AKAP3: variants seen among roughly 807,000 people sequenced by gnomAD.
The protein encoded by AKAP3 is A-kinase anchoring protein 3, also known as A-kinase anchor protein 3.
AKAP3 carries 27 observed loss-of-function variants against 57.2 expected under a neutral mutation model. The ratio of observed to expected loss-of-function variants is 0.47; its 90% CI spans 0.35 to 0.65. The LOEUF (loss-of-function observed/expected upper bound fraction) is 0.65, where lower values mean the gene tolerates loss of function less well. Ranked by LOEUF, AKAP3 falls within the 30% of genes least tolerant of loss-of-function variation. The pLI is 0.01. For synonymous variants in AKAP3, 334 were observed against 392.3 expected (o/e 0.85, Z 1.76); for missense variants, 959 against 1,040.0 (o/e 0.92, Z 1.07).
chr12:4,636,090 T>A, intron 4 of AKAP3: 1 of 1,211,076 alleles, frequency 8.3e-7, no homozygotes, highest in Non-Finnish European at 1.2e-6. Context: ...CCAGAAATAC[T>A]GGCATATTGA....
chr12:4,636,545 G>C (rs1256418110), intron 4 of AKAP3, among the ~76,000 whole-genome samples: 1 of 152,192 alleles, frequency 6.6e-6, no homozygotes, highest in East Asian at 1.9e-4. Flanking sequence ...TGAAAGGGCA[G>C]AAGTAAATCA....
Position 4,620,712 on chromosome 12 carries a change from A to G in AKAP3, c.2407-4818T>C, listed in dbSNP as rs533765920. Among the ~76,000 whole-genome samples, 71 of 152,278 alleles carry G rather than the reference A, an allele frequency of 4.7e-4. 1 individual carries two copies. In the South Asian group the frequency reaches 0.013, roughly 28 times the overall value. ...GATATCATAGTTATCGTAACAGAGC[A>G]CAACACATTACTCACTTGTTTGGGG... On this transcript the variant is annotated intron_variant, in intron 5 of 5. Coordinates refer to ENST00000228850, the MANE Select transcript of AKAP3 (RefSeq NM_001278309.2).
In AKAP3 at chr12:4,630,826, C is replaced by G. The variant is rs12298137; in HGVS notation, c.97-2021G>C. ...GAAGGTCAGTTTGCCTCCAATGGCA[C>G]GTTCACTTCAATATTTCCAAGCTAT... On this transcript the variant is annotated intron_variant, in intron 4 of 5. Coordinates refer to ENST00000228850, the MANE Select transcript of AKAP3 (RefSeq NM_001278309.2). 4.1e-4 allele frequency among the ~76,000 whole-genome samples: 63 copies of G among 152,202 alleles called. 1 individual carries two copies. The highest frequency in any genetic ancestry group is 3.4e-3 in the Middle Eastern group (1 of 294).
In AKAP3 at chr12:4,627,634, G is replaced by A. The variant is rs1358940275; in HGVS notation, c.1268C>T (p.Ala423Val). 1.2e-6 allele frequency: 2 copies of A among 1,613,828 alleles called. No homozygotes were observed. The highest frequency in any genetic ancestry group is 1.7e-6 in the Non-Finnish European group (2 of 1,180,012). ...GDPKNRNVNF[A>V]MKSETKLREK... ...TCTCAATTTAGTTTCAGATTTCATG[G>A]CAAAGTTCACATTTCGGTTTTTAGG... The change falls in exon 5 of 6, where the codon GCC becomes GTC. Residue 423 changes from alanine to valine, a missense_variant. By Grantham distance (64) the Ala-to-Val change is moderately conservative. Coordinates refer to ENST00000228850, the MANE Select transcript of AKAP3 (RefSeq NM_001278309.2).
At chr12:4,622,202 G>A (rs1279843118) in intron 5 of AKAP3, among the ~76,000 whole-genome samples, 2 of 152,060 alleles carry the variant, frequency 1.3e-5, no homozygotes, top group Non-Finnish European at 2.9e-5. Flanking sequence ...TGGTCATATT[G>A]CCCAAAGCAA....
At chr12:4,623,423 A>G (rs1287311554) in intron 5 of AKAP3, among the ~76,000 whole-genome samples, 1 of 152,256 alleles carries the variant, frequency 6.6e-6, no homozygotes, top group Non-Finnish European at 1.5e-5. Context: ...AATATTATGC[A>G]GTCATAAAAA....
Position 4,635,320 on chromosome 12 carries a change from C to G in AKAP3, c.96+2781G>C, listed in dbSNP as rs975548811. The G allele has an allele frequency of 2.1e-5, 10 of 469,282 alleles. No individual in the cohort carries two copies. In the Admixed American group the frequency reaches 3.3e-4, roughly 16 times the overall value. 29.1% of individuals were successfully genotyped at this position (469,282 alleles called of 1,614,324 possible). ...AACATTTAAGAAGCAGAAGACTATT[C>G]TAGCTAGTGCAAACTGGAGGTTGAG... On this transcript the variant is annotated intron_variant, in intron 4 of 5. Coordinates refer to ENST00000228850, the MANE Select transcript of AKAP3 (RefSeq NM_001278309.2).
intron 4 of AKAP3, among the ~76,000 whole-genome samples, chr12:4,632,986 A>G (rs2137439385): frequency 6.6e-6 from 1 of 152,242 alleles, no homozygotes; most frequent in Admixed American, 6.5e-5. Context: ...ATAATATATT[A>G]CTACCTAGTT....
intron 5 of AKAP3, among the ~76,000 whole-genome samples, chr12:4,616,792 CA>C (rs1218621789): frequency 2.0e-5 from 3 of 151,920 alleles, no homozygotes; most frequent in Non-Finnish European, 2.9e-5. Flanking sequence ...AAACTTATTT[CA>C]AAAAACATTT....
chr12:4,628,104 C>T lies in AKAP3; in HGVS notation c.798G>A (p.Lys266=). 1 of 1,614,176 alleles carries T rather than the reference C, an allele frequency of 6.2e-7. No homozygotes were observed. The highest frequency in any genetic ancestry group is 8.5e-7 in the Non-Finnish European group (1 of 1,180,018). ...CAGGCCTTTCCTGCCCTCGAAACCT[C>T]TTTCTCTCCCGAGGAAAGAACCTTC... ...EGGRFFPRER[K]RFRGQERPDD... is the part of the protein sequence containing the mutation. Residue 266 remains lysine, a synonymous_variant, in exon 5 of 6, where the codon AAG becomes AAA. Coordinates refer to ENST00000228850, the MANE Select transcript of AKAP3 (RefSeq NM_001278309.2).
rs1591820465 is a variant in AKAP3, at chr12:4,627,653, T to G, written c.1249A>C (p.Asn417His). Reference sequence around the variant, plus strand: ...TTCATGGCAAAGTTCACATTTCGGTTTTTAGGATCACCCATTCCTTTCATG... The same window carrying G: ...TTCATGGCAAAGTTCACATTTCGGTGTTTAGGATCACCCATTCCTTTCATG... ...ISMKGMGDPK[N>H]RNVNFAMKSE... Residue 417 changes from asparagine (N) to histidine (H), a missense_variant, in exon 5 of 6, where the codon AAC (asparagine) becomes CAC (histidine). Asn to His is a moderately conservative substitution (Grantham distance 68). Transcript: ENST00000228850. The G allele has an allele frequency of 1.2e-6, 2 of 1,614,066 alleles. No individual in the cohort carries two copies.
intron 5 of AKAP3, among the ~76,000 whole-genome samples, chr12:4,622,653 T>C (rs950462324): frequency 1.3e-5 from 2 of 152,140 alleles, no homozygotes; most frequent in Non-Finnish European, 2.9e-5. Context: ...GAGTTAAATG[T>C]AAGATTAAAA....
chr12:4,624,565 TC>T (rs1443331648), intron 5 of AKAP3, among the ~76,000 whole-genome samples: 1 of 152,116 alleles, frequency 6.6e-6, no homozygotes, highest in Non-Finnish European at 1.5e-5. Context: ...CTCACAGACA[TC>T]CCAGTGACAG....
chr12:4,616,339 C>G (rs1945284965), intron 5 of AKAP3, among the ~76,000 whole-genome samples: 1 of 152,200 alleles, frequency 6.6e-6, no homozygotes, highest in Non-Finnish European at 1.5e-5. Flanking sequence ...TCAGAATTAA[C>G]TGCTAGTAAT....
intron 4 of AKAP3, among the ~76,000 whole-genome samples, chr12:4,634,446 G>C (rs577517481): frequency 1.5e-4 from 23 of 152,220 alleles, no homozygotes; most frequent in African/African-American, 4.6e-4. Context: ...GTACCCTATT[G>C]ACAGTACAGC....
chr12:4,638,092 G>A lies in AKAP3; in HGVS notation c.96+9C>T, dbSNP rs1945588505. ...TTAACCTAGTGTTTATCAAGAGGTT[G>A]ACCCTTACCATTTTCCAGTCCTGGG... On this transcript the variant is annotated intron_variant, in intron 4 of 5. Transcript: ENST00000228850. The A allele has an allele frequency of 6.3e-7, 1 of 1,597,128 alleles. No individual in the cohort carries two copies. The highest frequency in any genetic ancestry group is 8.6e-7 in the Non-Finnish European group (1 of 1,164,754).
intron 4 of AKAP3, among the ~76,000 whole-genome samples, chr12:4,632,374 A>C (rs1442568520): frequency 6.6e-6 from 1 of 152,156 alleles, no homozygotes; most frequent in East Asian, 1.9e-4. Context: ...TGATGTTCCC[A>C]ATTATATACC....
chr12:4,627,666 C>A lies in AKAP3; in HGVS notation c.1236G>T (p.Met412Ile). 6.2e-7 allele frequency: 1 copy of A among 1,614,046 alleles called. No homozygotes were observed. The highest frequency in any genetic ancestry group is 1.1e-5 in the South Asian group (1 of 91,082). Residue 412 changes from methionine (M) to isoleucine (I), a missense_variant, in exon 5 of 6, where the codon ATG becomes ATT. Physicochemically the swap from Met to Ile is conservative, Grantham distance 10. Coordinates refer to ENST00000228850, the MANE Select transcript of AKAP3 (RefSeq NM_001278309.2). The stretch of plus-strand genomic sequence containing the variant: ...TCACATTTCGGTTTTTAGGATCACC[C>A]ATTCCTTTCATGGAGATGAGGGAAT... ...ESYSLISMKGMGDPKNRNVNF... is the reference protein window; with the variant it reads ...ESYSLISMKGIGDPKNRNVNF...
Position 4,615,636 on chromosome 12 carries a change from G to A in AKAP3, c.*103C>T, listed in dbSNP as rs1945274676. On this transcript the variant is annotated 3_prime_UTR_variant, in exon 6 of 6. Coordinates refer to ENST00000228850, the MANE Select transcript of AKAP3 (RefSeq NM_001278309.2). ...GAGAGTGGTGTGAAGATAATGTTAGGGCTCTGTGAGGATATAGAGGGGGAG... is the reference window on the plus strand; with the variant it reads ...GAGAGTGGTGTGAAGATAATGTTAGAGCTCTGTGAGGATATAGAGGGGGAG... The A allele has an allele frequency of 3.6e-6, 5 of 1,378,108 alleles. No homozygotes were observed. Among genetic ancestry groups the A allele is most frequent in the Non-Finnish European group, 5.0e-6 (5 of 1,004,242 alleles). 85.4% of individuals were successfully genotyped at this position (1,378,108 alleles called of 1,614,324 possible). A position where few individuals can be genotyped will look rare whatever the true frequency, so the allele number is the denominator to read the frequency against.
Sources: gnomAD v4.1 joint callset for allele counts (sites outside exome capture counted in the v4.1 genomes callset) on GRCh38, gnomAD v4.1.1 for gene constraint, MANE v1.5 for transcripts, NCBI Gene and HGNC (gene_info 2026-07-23, HGNC 2026-07-21) for gene names.